The following MAGI2 variants were observed in gnomAD, a reference collection of about 807,000 sequenced individuals.
MAGI2 encodes the protein membrane associated guanylate kinase, WW and PDZ domain containing 2, also known as membrane-associated guanylate kinase, WW and PDZ domain-containing protein 2.
MAGI2 carries 35 observed loss-of-function variants against 133.3 expected under a neutral mutation model. The ratio of observed to expected loss-of-function variants is 0.26; its 90% CI spans 0.20 to 0.35. The LOEUF (loss-of-function observed/expected upper bound fraction) is 0.35. Ranked by LOEUF, MAGI2 falls within the 10% of genes least tolerant of loss-of-function variation. MAGI2 has a pLI of 1.00. For synonymous variants in MAGI2, 729 were observed against 710.6 expected, an observed-to-expected ratio of 1.03 and a Z score of -0.41; for missense variants, 1,636 against 1,863.4, an observed-to-expected ratio of 0.88 and a Z score of 2.25.
At chr7:78,062,800 C>T (rs1208048041) in intron 21 of MAGI2, among the ~76,000 whole-genome samples, 5 of 152,188 alleles carry the variant, frequency 3.3e-5, no homozygotes, top group Non-Finnish European at 7.3e-5. Context: ...TCTCAGGCCT[C>T]TGAAGCTCAG....
At chr7:79,005,085 G>GAAA (rs965503054) in intron 2 of MAGI2, among the ~76,000 whole-genome samples, 1 of 85,102 alleles carries the variant, frequency 1.2e-5, no homozygotes, top group Non-Finnish European at 2.5e-5. Flanking sequence ...TCCATCTCAA[G>GAAA]AAAAAAAAAA....
intron 2 of MAGI2, among the ~76,000 whole-genome samples, chr7:78,959,726 C>T (rs544853391): frequency 2.0e-5 from 3 of 152,176 alleles, no homozygotes; most frequent in African/African-American, 4.8e-5. Flanking sequence ...TTTGACTTTT[C>T]GAGCCTGGAT....
At chr7:78,235,751 T>C (rs12537443) in intron 10 of MAGI2, among the ~76,000 whole-genome samples, 4 of 94,480 alleles carry the variant, frequency 4.2e-5, no homozygotes, top group Admixed American at 1.3e-4. Flanking sequence ...TAATACTCTA[T>C]TTTTTTTACA....
chr7:78,190,574 C>A (rs937234329), intron 12 of MAGI2, among the ~76,000 whole-genome samples: 1 of 152,122 alleles, frequency 6.6e-6, no homozygotes, highest in African/African-American at 2.4e-5. Flanking sequence ...CATGTGTAGT[C>A]ACCCTAGATA....
intron 2 of MAGI2, among the ~76,000 whole-genome samples, chr7:78,843,887 T>TA (rs1200087605): frequency 2.0e-5 from 3 of 150,958 alleles, no homozygotes; most frequent in South Asian, 2.1e-4. Context: ...TATTTCTATG[T>TA]AAAAAATGCA....
At chr7:78,539,915 TC>T (rs1798265904) in intron 3 of MAGI2, among the ~76,000 whole-genome samples, 1 of 152,216 alleles carries the variant, frequency 6.6e-6, no homozygotes, top group Non-Finnish European at 1.5e-5. Flanking sequence ...GGCCTCGGGT[TC>T]GCCAGGATGT....
At chr7:79,351,361 G>A (rs186244790) in intron 1 of MAGI2, among the ~76,000 whole-genome samples, 4 of 152,096 alleles carry the variant, frequency 2.6e-5, no homozygotes, top group Admixed American at 1.3e-4. Flanking sequence ...ATGACTTATA[G>A]TTAAGTAAAA....
At chr7:78,464,642 A>C (rs1584260696) in intron 6 of MAGI2, among the ~76,000 whole-genome samples, 1 of 152,192 alleles carries the variant, frequency 6.6e-6, no homozygotes, top group South Asian at 2.1e-4. Flanking sequence ...TTTAGAAAAA[A>C]GTTATTCTAC....
intron 9 of MAGI2, among the ~76,000 whole-genome samples, chr7:78,262,920 C>A (rs374821761): frequency 6.6e-6 from 1 of 152,138 alleles, no homozygotes; most frequent in African/African-American, 2.4e-5. Context: ...CTGATCCCAT[C>A]GCCCAGGTAG....
In MAGI2 at chr7:78,875,970, A is replaced by C. The variant is rs959231249; in HGVS notation, c.418+131120T>G. 2.0e-5 allele frequency among the ~76,000 whole-genome samples: 3 copies of C among 152,208 alleles called. No individual in the cohort carries two copies. The South Asian group carries it at 6.2e-4, about 31-fold the overall frequency. ...GTGAGCTTGGTGATGCATTAATAAC[A>C]GCTGTCCAATCTTAAGAACAGAGAG... On this transcript the variant is annotated intron_variant, in intron 2 of 21. Coordinates refer to ENST00000354212, the MANE Select transcript of MAGI2 (RefSeq NM_012301.4).
chr7:78,573,406 G>GTATATATATATATT (rs1801939391), intron 3 of MAGI2, among the ~76,000 whole-genome samples: 1 of 29,810 alleles, frequency 3.4e-5, no homozygotes, highest in Non-Finnish European at 5.5e-5. Context: ...ATATATATAG[G>GTATATATATATATT]CTGCCACTGA....
intron 3 of MAGI2, among the ~76,000 whole-genome samples, chr7:78,566,734 C>A (rs1800984274): frequency 6.6e-6 from 1 of 152,050 alleles, no homozygotes. Context: ...TCTTTTCAAT[C>A]CTTATCTTTT....
intron 1 of MAGI2, among the ~76,000 whole-genome samples, chr7:79,171,623 T>C (rs1413887524): frequency 6.7e-6 from 1 of 150,194 alleles, no homozygotes; most frequent in African/African-American, 2.4e-5. Flanking sequence ...ATATACTCTA[T>C]GGTCATATGT....
intron 6 of MAGI2, among the ~76,000 whole-genome samples, chr7:78,407,761 G>T (rs1797520248): frequency 6.6e-6 from 1 of 151,904 alleles, no homozygotes; most frequent in African/African-American, 2.4e-5. Flanking sequence ...GTCCATTGCA[G>T]CCAACTGAAA....
chr7:78,225,299 C>T (rs1444174074), intron 10 of MAGI2, among the ~76,000 whole-genome samples: 2 of 152,116 alleles, frequency 1.3e-5, no homozygotes, highest in African/African-American at 4.8e-5. Flanking sequence ...GTAGAGCCAA[C>T]CAAGATGATT....
At chr7:79,296,415 C>A (rs943870222) in intron 1 of MAGI2, among the ~76,000 whole-genome samples, 2 of 152,058 alleles carry the variant, frequency 1.3e-5, no homozygotes, top group African/African-American at 4.8e-5. Flanking sequence ...TTCATAATAG[C>A]CAAGGACATA....
At chr7:78,244,942 G>A (rs1363861352) in intron 10 of MAGI2, among the ~76,000 whole-genome samples, 2 of 152,162 alleles carry the variant, frequency 1.3e-5, no homozygotes, top group African/African-American at 4.8e-5. Flanking sequence ...TAAATGGAAG[G>A]CCAGTATTGT....
At chr7:78,458,178 C>T (rs1789530692) in intron 6 of MAGI2, among the ~76,000 whole-genome samples, 1 of 151,738 alleles carries the variant, frequency 6.6e-6, no homozygotes, top group South Asian at 2.1e-4. Context: ...CCCCTGTAAT[C>T]CCAGCTGCTC....
At chr7:78,559,170 CAAAAAGAAAAGAAAA>C (rs1172186221) in intron 3 of MAGI2, among the ~76,000 whole-genome samples, 2,246 of 32,570 alleles carry the variant, frequency 0.069, 106 homozygotes, top group South Asian at 0.27. Flanking sequence ...AAAAAAAAGC[CAAAAAGAAAAGAAAA>C]GAAAAGAAAA....
Sources: gnomAD v4.1 joint callset for allele counts (sites outside exome capture counted in the v4.1 genomes callset) on GRCh38, gnomAD v4.1.1 for gene constraint, MANE v1.5 for transcripts, NCBI Gene and HGNC (gene_info 2026-07-23, HGNC 2026-07-21) for gene names.